AEBP1: variants seen among roughly 807,000 people sequenced by gnomAD.
The protein encoded by AEBP1 is AE binding protein 1.
AEBP1 carries 69 observed loss-of-function variants against 116.5 expected under a neutral mutation model. The ratio of observed to expected loss-of-function variants is 0.59; its 90% confidence interval spans 0.49 to 0.72. The LOEUF (loss-of-function observed/expected upper bound fraction) is 0.72. AEBP1 is among the 30% of genes least tolerant of loss of function. AEBP1 has a pLI of 0.00. For missense variants in AEBP1, 1,444 were observed against 1,557.5 expected (o/e 0.93, Z 1.23); for synonymous variants, 627 against 627.3 (o/e 1.00, Z 0.01).
chr7:44,107,806 C>A lies in AEBP1; in HGVS notation c.740-3C>A. 6.2e-7 allele frequency: 1 copy of A among 1,612,146 alleles called. No homozygotes were observed. The highest frequency in any genetic ancestry group is 8.5e-7 in the Non-Finnish European group (1 of 1,179,572). On this transcript the variant is annotated splice_polypyrimidine_tract_variant and splice_region_variant and intron_variant, in intron 4 of 20. Coordinates refer to ENST00000223357, the MANE Select transcript of AEBP1 (RefSeq NM_001129.5). The surrounding 1 kb of genome is among the most constrained non-coding windows in gnomAD (Gnocchi z 4.3). ...CCCCACTCTGAGCCAGCCTCCCCCT[C>A]AGTTGAGTACATTCGGCGCCAGAAG...
chr7:44,106,188 A>T, intron 1 of AEBP1: 1 of 490,664 alleles, frequency 2.0e-6, no homozygotes, highest in Non-Finnish European at 4.0e-6. Context: ...TGGATGGCTC[A>T]GTCACCTCTC....
chr7:44,109,539 C>A, intron 9 of AEBP1, 198 bp downstream of exon 9: 1 of 651,612 alleles, frequency 1.5e-6, no homozygotes, highest in Non-Finnish European at 2.6e-6. Flanking sequence ...CCCAGGCTGG[C>A]CTGCTTCAGG....
In AEBP1 at chr7:44,110,193, T is replaced by C; in HGVS notation, c.1261-14T>C. ...TCCTCCGCCCATGCTCAGCCTCCCC[T>C]GCCCCCTGGACAGACCGGTGCCACT... On this transcript the variant is annotated splice_polypyrimidine_tract_variant and intron_variant, in intron 10 of 20. Coordinates refer to ENST00000223357, the MANE Select transcript of AEBP1 (RefSeq NM_001129.5). The C allele has an allele frequency of 6.2e-7, 1 of 1,613,504 alleles. No homozygotes were observed. The highest frequency in any genetic ancestry group is 8.5e-7 in the Non-Finnish European group (1 of 1,179,992).
chr7:44,109,634 T>G, intron 9 of AEBP1: 1 of 575,456 alleles, frequency 1.7e-6, no homozygotes, highest in Non-Finnish European at 3.1e-6. Flanking sequence ...GGACCTCAGG[T>G]ACCTTCACAG....
At position 44,104,480 on chromosome 7, in the gene AEBP1, C is replaced by G; in HGVS notation, c.-186C>G. The G allele has an allele frequency of 2.1e-6, 1 of 466,260 alleles. No homozygotes were observed. Among genetic ancestry groups the G allele is most frequent in the Non-Finnish European group, 3.7e-6 (1 of 270,868 alleles). The allele number at this position is 466,260 out of a possible 1,614,324, so 28.9% of individuals were successfully genotyped here. On this transcript the variant is annotated 5_prime_UTR_variant, in exon 1 of 21. Coordinates refer to ENST00000223357, the MANE Select transcript of AEBP1 (RefSeq NM_001129.5). ...TTCGGAGCCCCCCAGCACCCCTTCC[C>G]GGGTCCCCTCGCCCACCCTAATCCA...
In AEBP1 at chr7:44,108,997, C is replaced by T. The variant is rs751275919; in HGVS notation, c.1018+21C>T. The T allele has an allele frequency of 2.5e-6, 4 of 1,605,964 alleles. No individual in the cohort carries two copies. In the East Asian group the frequency reaches 9.0e-5, roughly 36 times the overall value. ...GCTGAGTGAGTGGGACCAAGGACTTCCCACACCAGGCCTGCCCTGAAGGCC... is the reference window on the plus strand; with the variant it reads ...GCTGAGTGAGTGGGACCAAGGACTTTCCACACCAGGCCTGCCCTGAAGGCC... On this transcript the variant is annotated intron_variant, in intron 7 of 20. Coordinates refer to ENST00000223357, the MANE Select transcript of AEBP1 (RefSeq NM_001129.5). This position sits in a 1 kb window ranked among gnomAD's most constrained non-coding sequence, Gnocchi z 5.0.
At position 44,109,323 on chromosome 7, in the gene AEBP1, A is replaced by T. The variant is rs1197841030; in HGVS notation, c.1132A>T (p.Thr378Ser). The T allele has an allele frequency of 7.2e-7, 1 of 1,379,550 alleles. No homozygotes were observed. The highest frequency in any genetic ancestry group is 1.9e-5 in the Admixed American group (1 of 51,918). 85.5% of individuals were successfully genotyped at this position (1,379,550 alleles called of 1,614,324 possible). ...RKGEELEEEW[T>S]PTEKVKCPPI... ...GGGCGAGGAGTTGGAGGAGGAGTGG[A>T]CGCCTACGGAGAAAGTCAGTAAGTG... The change falls in exon 9 of 21, where the codon ACG becomes TCG. Residue 378 changes from threonine (T) to serine (S), a missense_variant. By Grantham distance (58) the Thr-to-Ser change is moderately conservative. Transcript: ENST00000223357.
At position 44,113,055 on chromosome 7, in the gene AEBP1, C is replaced by T. The variant is rs758507129; in HGVS notation, c.2634C>T (p.Asp878=). 46 of 1,614,034 alleles carry T rather than the reference C, an allele frequency of 2.9e-5. No individual in the cohort carries two copies. The highest frequency in any genetic ancestry group is 4.5e-5 in the East Asian group (2 of 44,880). ...AGCTCTCCTTCTACCTGGGCTGTGA[C>T]AAGTTCCCTCATGAGAGTGAGCTGC... is the stretch of plus-strand genomic sequence containing the variant. ...CLELSFYLGC[D]KFPHESELPR... is the part of the protein sequence containing the mutation. The change falls in exon 19 of 21, where the codon GAC becomes GAT. Residue 878 remains aspartate, a synonymous_variant. Coordinates refer to ENST00000223357, the MANE Select transcript of AEBP1 (RefSeq NM_001129.5). This position sits in a 1 kb window ranked among gnomAD's most constrained non-coding sequence, Gnocchi z 5.3.
At chr7:44,106,363 A>T in intron 1 of AEBP1, 183 bp from the exon 2 acceptor site, 1 of 743,294 alleles carries the variant, frequency 1.3e-6, no homozygotes, top group East Asian at 2.7e-5. Flanking sequence ...AGACTTGCAG[A>T]CAGAAAATCT....
Position 44,106,889 on chromosome 7 carries a change from T to A in AEBP1, c.595+2T>A. Reference sequence around the variant, plus strand: ...CCGAGGAGCTACCCCAGGAGGGAGGTTTGTGCCGGGCTCCTCTGGGGTGAT... The same window carrying A: ...CCGAGGAGCTACCCCAGGAGGGAGGATTGTGCCGGGCTCCTCTGGGGTGAT... On this transcript the variant is annotated splice_donor_variant, in intron 2 of 20. Coordinates refer to ENST00000223357, the MANE Select transcript of AEBP1 (RefSeq NM_001129.5). LOFTEE classifies it high-confidence loss of function. 3 of 1,554,072 alleles carry A rather than the reference T, an allele frequency of 1.9e-6. No homozygotes were observed. Among genetic ancestry groups the A allele is most frequent in the Non-Finnish European group, 2.6e-6 (3 of 1,152,960 alleles).
At position 44,107,995 on chromosome 7, in the gene AEBP1, C is replaced by A; in HGVS notation, c.863-12C>A. 6.3e-7 allele frequency: 1 copy of A among 1,576,958 alleles called. No homozygotes were observed. Among genetic ancestry groups the A allele is most frequent in the East Asian group, 2.4e-5 (1 of 42,454 alleles). On this transcript the variant is annotated splice_polypyrimidine_tract_variant and intron_variant, in intron 5 of 20. Coordinates refer to ENST00000223357, the MANE Select transcript of AEBP1 (RefSeq NM_001129.5). The surrounding 1 kb of genome is among the most constrained non-coding windows in gnomAD (Gnocchi z 4.3). The stretch of plus-strand genomic sequence containing the variant: ...GCGCTCTGGCCCCCTCCTAACCTCC[C>A]CGCCTCCCCAGAGCCTCCTGTGAAG...
rs1027680186 is a variant in AEBP1 at position 44,109,130 on chromosome 7, A to C, written c.1042A>C (p.Ser348Arg). The C allele has an allele frequency of 6.2e-7, 1 of 1,613,664 alleles. No individual in the cohort carries two copies. The highest frequency in any genetic ancestry group is 2.2e-5 in the East Asian group (1 of 44,878). The part of the protein sequence containing the change: ...ELKKPKKEDS[S>R]PKEETDKWAV... ...AGAGAAACCCAAAAAGGAGGACAGC[A>C]GCCCCAAGGAGGAGACCGACAAGTG... is the stretch of plus-strand genomic sequence containing the variant. Residue 348 changes from serine to arginine, a missense_variant, in exon 8 of 21, where the codon AGC becomes CGC. By Grantham distance (110) the Ser-to-Arg change is moderately radical. Transcript: ENST00000223357.
chr7:44,113,573 C>T lies in AEBP1; in HGVS notation c.2810-21C>T. On this transcript the variant is annotated intron_variant, in intron 20 of 20. Transcript: ENST00000223357. This position sits in a 1 kb window ranked among gnomAD's most constrained non-coding sequence, Gnocchi z 5.3. The stretch of plus-strand genomic sequence containing the variant: ...CCTGGGAGGGGCGCTCTGGGGCAGC[C>T]GGATCGTTCTCCCTCCGCAGCCAGT... 6.3e-7 allele frequency: 1 copy of T among 1,594,686 alleles called. No homozygotes were observed. Among genetic ancestry groups the T allele is most frequent in the Non-Finnish European group, 8.5e-7 (1 of 1,173,292 alleles).
At position 44,113,710 on chromosome 7, in the gene AEBP1, A is replaced by G. The variant is rs779809409; in HGVS notation, c.2926A>G (p.Thr976Ala). The change falls in exon 21 of 21, where the codon ACT (threonine) becomes GCT (alanine). Residue 976 changes from threonine (T) to alanine (A), a missense_variant. By Grantham distance (58) the Thr-to-Ala change is moderately conservative (BLOSUM62 0). Transcript: ENST00000223357. This position sits in a 1 kb window ranked among gnomAD's most constrained non-coding sequence, Gnocchi z 5.3. The part of the protein sequence containing the change: ...TCNVDYDIGA[T>A]QCNFILARSN... ...CAATGTTGACTATGACATCGGGGCC[A>G]CTCAGTGCAACTTCATCCTGGCTCG... The G allele has an allele frequency of 1.9e-6, 3 of 1,613,904 alleles. No homozygotes were observed. Among genetic ancestry groups the G allele is most frequent in the Admixed American group, 1.7e-5 (1 of 59,994 alleles).
In AEBP1 at chr7:44,110,124, G is replaced by A. The variant is rs2096227536; in HGVS notation, c.1260G>A (p.Gln420=). 6.2e-7 allele frequency: 1 copy of A among 1,613,022 alleles called. No individual in the cohort carries two copies. Among genetic ancestry groups the A allele is most frequent in the African/African-American group, 1.3e-5 (1 of 74,936 alleles). ...LGAQRGRLNM[Q]TGATEDDYYD... ...CACAGCGCGGCCGGCTCAACATGCA[G>A]GTGGGCATTGGGATGGGCCCATCTC... The change falls in exon 10 of 21, where the codon CAG becomes CAA. Residue 420 remains glutamine (Q), a splice_region_variant and synonymous_variant. Transcript: ENST00000223357.
In AEBP1 at chr7:44,114,021, G is replaced by A. The variant is rs762489269; in HGVS notation, c.3237G>A (p.Glu1079=). The A allele has an allele frequency of 2.4e-5, 38 of 1,607,788 alleles. No individual in the cohort carries two copies. The Admixed American group carries it at 4.7e-4, about 20-fold the overall frequency. ...TACCGCCAACCACCGCTGGCTGGGA[G>A]GAGTCGGAGACTGAGACCTACACAG... The part of the protein sequence containing the change: ...GLIPPTTAGW[E]ESETETYTEV... Residue 1079 remains glutamate, a synonymous_variant, in exon 21 of 21, where the codon GAG becomes GAA. Transcript: ENST00000223357.
rs767901360 is a variant in AEBP1 at position 44,108,116 on chromosome 7, C to A, written c.940+32C>A. ...ACCCAGCACCCCAGAGTCTGAGGGA[C>A]ATAGGCAGGTGGGGGTCGGGGCTGG... On this transcript the variant is annotated intron_variant, in intron 6 of 20. Coordinates refer to ENST00000223357, the MANE Select transcript of AEBP1 (RefSeq NM_001129.5). The surrounding 1 kb of genome is among the most constrained non-coding windows in gnomAD (Gnocchi z 5.0). 14 of 1,572,048 alleles carry A rather than the reference C, an allele frequency of 8.9e-6. No homozygotes were observed. The highest frequency in any genetic ancestry group is 1.2e-5 in the Non-Finnish European group (14 of 1,159,218).
At position 44,110,994 on chromosome 7, in the gene AEBP1, T is replaced by C; in HGVS notation, c.1567T>C (p.Tyr523His). 6.2e-7 allele frequency: 1 copy of C among 1,613,942 alleles called. No homozygotes were observed. The highest frequency in any genetic ancestry group is 8.5e-7 in the Non-Finnish European group (1 of 1,179,962). The change falls in exon 13 of 21, where the codon TAC becomes CAC. Residue 523 changes from tyrosine to histidine, a missense_variant. Coordinates refer to ENST00000223357, the MANE Select transcript of AEBP1 (RefSeq NM_001129.5). ...GGTGGTGGCTCGTTTCATCCGCATCTACCCACTCACCTGGAATGGCAGCCT... is the reference window on the plus strand; with the variant it reads ...GGTGGTGGCTCGTTTCATCCGCATCCACCCACTCACCTGGAATGGCAGCCT... ...EPVVARFIRI[Y>H]PLTWNGSLCM... is the part of the protein sequence containing the mutation.
At position 44,107,887 on chromosome 7, in the gene AEBP1, C is replaced by T. The variant is rs761972892; in HGVS notation, c.818C>T (p.Pro273Leu). 1 of 1,600,434 alleles carries T rather than the reference C, an allele frequency of 6.2e-7. No homozygotes were observed. Among genetic ancestry groups the T allele is most frequent in the Non-Finnish European group, 8.5e-7 (1 of 1,174,366 alleles). ...RRRPERVWPEPPEEKAPAPAP... is the reference protein window; with the variant it reads ...RRRPERVWPELPEEKAPAPAP... ...AGGCCCGAGCGGGTCTGGCCAGAGC[C>T]CCCTGAGGAGAAGGCCCCGGCCCCA... is the stretch of plus-strand genomic sequence containing the variant. Residue 273 changes from proline (P) to leucine (L), a missense_variant, in exon 5 of 21, where the codon CCC (proline) becomes CTC (leucine). Transcript: ENST00000223357. This position sits in a 1 kb window ranked among gnomAD's most constrained non-coding sequence, Gnocchi z 4.3.
Sources: allele counts gnomAD v4.1 joint callset, GRCh38; gene constraint gnomAD v4.1.1; non-coding constraint Gnocchi (gnomAD v3.1); transcripts MANE v1.5; gene names NCBI Gene and HGNC (gene_info 2026-07-23, HGNC 2026-07-21).